Variants in ZUP1 observed in about 807,000 individuals in gnomAD.
ZUP1 encodes the protein zinc finger-containing ubiquitin peptidase 1.
A neutral mutation model predicts 68.1 loss-of-function variants in ZUP1; 55 were observed. The observed-to-expected ratio is 0.81, with a 90% confidence interval of 0.65 to 1.01. ZUP1 has a LOEUF of 1.01. ZUP1 is among the 50% of genes least tolerant of loss of function. ZUP1 has a pLI of 0.00. For missense variants in ZUP1, 684 were observed against 674.9 expected (o/e 1.01, Z -0.15); for synonymous variants, 223 against 221.5 (o/e 1.01, Z -0.06).
intron 9 of ZUP1, among the ~76,000 whole-genome samples, chr6:116,640,166 CT>C (rs201852382): frequency 0.36 from 54,381 of 150,974 alleles, 10,273 homozygotes; most frequent in African/African-American, 0.49. Flanking sequence ...TGAACAAAGC[CT>C]CCAAGAAATA....
chr6:116,635,947 C>T (rs1303088281), intron 9 of ZUP1, 68 bp from the exon 10 acceptor site: 2 of 1,056,450 alleles, frequency 1.9e-6, no homozygotes, highest in Non-Finnish European at 2.6e-6. Context: ...TGTTGTCATT[C>T]TAATGTAAAA....
intron 2 of ZUP1, among the ~76,000 whole-genome samples, chr6:116,666,363 G>A (rs976535752): frequency 6.6e-6 from 1 of 152,112 alleles, no homozygotes; most frequent in African/African-American, 2.4e-5. Context: ...AGATGCTACT[G>A]GGTTAGTGAC....
At chr6:116,651,982 C>T in intron 6 of ZUP1, 22 bp downstream of exon 6, 1 of 1,609,284 alleles carries the variant, frequency 6.2e-7, no homozygotes, top group Non-Finnish European at 8.5e-7. Flanking sequence ...ATGACAAGTT[C>T]AGAGTACTAG....
chr6:116,642,878 G>T (rs920924102), intron 9 of ZUP1, among the ~76,000 whole-genome samples: 1 of 152,126 alleles, frequency 6.6e-6, no homozygotes, highest in Non-Finnish European at 1.5e-5. Context: ...ATTCAATTAG[G>T]AAAAGAGGAA....
At position 116,652,026 on chromosome 6, in the gene ZUP1, A is replaced by T; in HGVS notation, c.1128T>A (p.Asp376Glu). Reference protein sequence around the residue: ...QMLLSSLLQNDAYNDCLKGML... With the variant: ...QMLLSSLLQNEAYNDCLKGML... ...TACCTTTTAAGCAATCGTTGTAAGCATCATTTTGTAATAATGATGAAAGTA... is the reference window on the plus strand; with the variant it reads ...TACCTTTTAAGCAATCGTTGTAAGCTTCATTTTGTAATAATGATGAAAGTA... The change falls in exon 6 of 10, where the codon GAT (aspartate) becomes GAA (glutamate). Residue 376 changes from aspartate (D) to glutamate (E), a missense_variant. Coordinates refer to ENST00000368576, the MANE Select transcript of ZUP1 (RefSeq NM_145062.3). 1 of 1,613,956 alleles carries T rather than the reference A, an allele frequency of 6.2e-7. No individual in the cohort carries two copies.
intron 7 of ZUP1, among the ~76,000 whole-genome samples, chr6:116,650,625 A>C (rs1438286285): frequency 6.6e-6 from 1 of 152,134 alleles, no homozygotes; most frequent in East Asian, 1.9e-4. Context: ...TAGTAGACCT[A>C]AGTACAGACA....
At chr6:116,652,714 G>T (rs909437556) in intron 5 of ZUP1, among the ~76,000 whole-genome samples, 5 of 152,044 alleles carry the variant, frequency 3.3e-5, no homozygotes, top group Non-Finnish European at 7.4e-5. Context: ...CAACCCTTTA[G>T]TAACATATTC....
chr6:116,651,176 G>C (rs780052844), intron 7 of ZUP1, among the ~76,000 whole-genome samples: 4 of 152,016 alleles, frequency 2.6e-5, no homozygotes, highest in Non-Finnish European at 4.4e-5. Flanking sequence ...GAAAAAATCA[G>C]CAACAAGCAA....
rs770777612 is a variant in ZUP1, at chr6:116,652,041, T to A, written c.1113A>T (p.Ser371=). 6.2e-7 allele frequency: 1 copy of A among 1,613,964 alleles called. No individual in the cohort carries two copies. Among genetic ancestry groups the A allele is most frequent in the Admixed American group, 1.7e-5 (1 of 60,014 alleles). Residue 371 remains serine (S), a synonymous_variant, in exon 6 of 10, where the codon TCA becomes TCT. Transcript: ENST00000368576. ...GYRNFQMLLS[S]LLQNDAYNDC... ...CGTTGTAAGCATCATTTTGTAATAA[T>A]GATGAAAGTAGCATTTGGAAATTTC...
intron 2 of ZUP1, among the ~76,000 whole-genome samples, chr6:116,661,934 T>A (rs909547105): frequency 6.6e-6 from 1 of 152,134 alleles, no homozygotes; most frequent in African/African-American, 2.4e-5. Flanking sequence ...GGAGCTACAG[T>A]AATCCATAAT....
intron 9 of ZUP1, among the ~76,000 whole-genome samples, chr6:116,641,124 A>C (rs1227000468): frequency 6.7e-6 from 1 of 149,266 alleles, no homozygotes; most frequent in Non-Finnish European, 1.5e-5. Flanking sequence ...GGATCAATTC[A>C]ACAAGAAGAG....
chr6:116,639,457 C>T (rs1562398035), intron 9 of ZUP1, among the ~76,000 whole-genome samples: 1 of 152,218 alleles, frequency 6.6e-6, no homozygotes, highest in Non-Finnish European at 1.5e-5. Flanking sequence ...GGCAGACTGA[C>T]ACCTCACACG....
In ZUP1 at chr6:116,668,555, T is replaced by C. The variant is rs1316611964; in HGVS notation, c.-16+11A>G. On this transcript the variant is annotated intron_variant, in intron 1 of 9. Coordinates refer to ENST00000368576, the MANE Select transcript of ZUP1 (RefSeq NM_145062.3). ...GCCTGGGGAATAAGGGAGGGGACCA[T>C]CAATTCTTACCGGCCCAGAGGCCAG... 1.3e-5 allele frequency: 2 copies of C among 152,354 alleles called. No individual in the cohort carries two copies. The highest frequency in any genetic ancestry group is 4.8e-5 in the African/African-American group (2 of 41,446). 9.4% of individuals were successfully genotyped at this position (152,354 alleles called of 1,614,324 possible). A position where few individuals can be genotyped will look rare whatever the true frequency, so the allele number is the denominator to read the frequency against.
chr6:116,659,386 T>G (rs1776767999), intron 3 of ZUP1, among the ~76,000 whole-genome samples: 1 of 152,146 alleles, frequency 6.6e-6, no homozygotes, highest in African/African-American at 2.4e-5. Context: ...AGCCTCGGCC[T>G]CCCAAAGTGC....
chr6:116,646,890 T>A (rs989730816), intron 8 of ZUP1, among the ~76,000 whole-genome samples: 1 of 152,100 alleles, frequency 6.6e-6, no homozygotes, highest in Non-Finnish European at 1.5e-5. Context: ...GTTCTACTTT[T>A]AAGGTAAGGT....
chr6:116,645,613 G>GAAAAAAAA, intron 9 of ZUP1, 101 bp downstream of exon 9: 2 of 671,592 alleles, frequency 3.0e-6, no homozygotes, highest in East Asian at 6.5e-5. Context: ...AAAAAGAATA[G>GAAAAAAAA]AAAAAAAAGA....
chr6:116,667,788 G>A (rs1313844959), intron 1 of ZUP1, among the ~76,000 whole-genome samples: 3 of 152,074 alleles, frequency 2.0e-5, no homozygotes, highest in Non-Finnish European at 2.9e-5. Flanking sequence ...ACCCCGTCGT[G>A]CTCCACAGCC....
rs1374322729 is a variant in ZUP1, at chr6:116,645,759, G to A, written c.1644C>T (p.Tyr548=). 1 of 1,613,722 alleles carries A rather than the reference G, an allele frequency of 6.2e-7. No individual in the cohort carries two copies. The highest frequency in any genetic ancestry group is 8.5e-7 in the Non-Finnish European group (1 of 1,179,876). The change falls in exon 9 of 10, where the codon TAC becomes TAT. Residue 548 remains tyrosine, a synonymous_variant. Coordinates refer to ENST00000368576, the MANE Select transcript of ZUP1 (RefSeq NM_145062.3). ...KSMGNLKHKQ[Y]QILAVEGALS... The stretch of plus-strand genomic sequence containing the variant: ...GAGCACCCTCTACTGCCAATATCTG[G>A]TATTGCTTATGTTTTAAATTTCCCA...
At chr6:116,664,653 T>C (rs1021432867) in intron 2 of ZUP1, among the ~76,000 whole-genome samples, 3 of 152,156 alleles carry the variant, frequency 2.0e-5, no homozygotes, top group African/African-American at 7.2e-5. Context: ...CTGATGTTGA[T>C]GACATTTTAC....
Sources: allele counts gnomAD v4.1 joint callset (sites outside exome capture counted in the v4.1 genomes callset), GRCh38; gene constraint gnomAD v4.1.1; transcripts MANE v1.5; gene names NCBI Gene and HGNC (gene_info 2026-07-23, HGNC 2026-07-21).